The following CLIC5 variants were observed in gnomAD, a reference collection of about 807,000 sequenced individuals.
CLIC5 encodes the protein CLIC family member 5.
In CLIC5, 20 loss-of-function variants were observed where a neutral mutation model predicts 24.7. That is an observed-to-expected ratio of 0.81 (90% confidence interval 0.57 to 1.18). The LOEUF (loss-of-function observed/expected upper bound fraction) is 1.18, where lower values mean the gene tolerates loss of function less well. Among genes scored for constraint, CLIC5 ranks in the 50% most tolerant of loss-of-function variants. The pLI, the probability that CLIC5 is intolerant of heterozygous loss-of-function variation, is 0.00. For missense variants in CLIC5, 341 were observed against 326.1 expected, an observed-to-expected ratio of 1.05 and a Z score of -0.35; for synonymous variants, 159 against 135.6, an observed-to-expected ratio of 1.17 and a Z score of -1.20.
At chr6:46,051,147 G>C (rs945817567) in intron 1 of CLIC5, among the ~76,000 whole-genome samples, 1 of 152,128 alleles carries the variant, frequency 6.6e-6, no homozygotes, top group East Asian at 1.9e-4. Flanking sequence ...AGTGTTTACT[G>C]TCACTCTTTC....
chr6:45,939,652 T>A (rs12662995), intron 4 of CLIC5, among the ~76,000 whole-genome samples: 9,599 of 152,062 alleles, frequency 0.063, 671 homozygotes, highest in East Asian at 0.37. Flanking sequence ...TTAAAAAAAT[T>A]TTTTTAGAGA....
rs1484466212 is a variant in CLIC5, at chr6:46,079,990, C to T, written c.253G>A (p.Asp85Asn). The T allele has an allele frequency of 1.9e-6, 3 of 1,551,692 alleles. No individual in the cohort carries two copies. Among genetic ancestry groups the T allele is most frequent in the Admixed American group, 2.0e-5 (1 of 51,002 alleles). The change falls in exon 1 of 6, where the codon GAT becomes AAT. Residue 85 changes from aspartate to asparagine, a missense_variant. Asp to Asn is a conservative substitution (Grantham distance 23). Transcript: ENST00000185206. ...TCCTGGAGTTCAGAGTATATCTCAT[C>T]AGGCAGGAGGTAGCCTCTGTCTTCT... is the stretch of plus-strand genomic sequence containing the variant.
chr6:46,043,345 G>T (rs1468262332), intron 1 of CLIC5, among the ~76,000 whole-genome samples: 1 of 152,106 alleles, frequency 6.6e-6, no homozygotes, highest in African/African-American at 2.4e-5. Flanking sequence ...TTAAGAAGCT[G>T]GCCTATAATT....
intron 1 of CLIC5, among the ~76,000 whole-genome samples, chr6:45,974,905 C>T (rs1395375520): frequency 6.6e-6 from 1 of 152,134 alleles, no homozygotes. Flanking sequence ...TACAAATCAT[C>T]TCTAAAGTTC....
intron 2 of CLIC5, 138 bp downstream of exon 2, chr6:45,954,997 G>A: frequency 1.7e-6 from 1 of 583,322 alleles, no homozygotes. Flanking sequence ...AGCTAAGACT[G>A]GATCCTGAGA....
intron 1 of CLIC5, among the ~76,000 whole-genome samples, chr6:46,072,701 T>G (rs1762643105): frequency 6.6e-6 from 1 of 152,216 alleles, no homozygotes. Context: ...CATGAAGGTT[T>G]CTTCCCATGG....
chr6:46,082,480 C>G (rs374014438), upstream of CLIC5, among the ~76,000 whole-genome samples: 39 of 152,312 alleles, frequency 2.6e-4, no homozygotes, highest in South Asian at 7.9e-3. Context: ...TACAACGGCC[C>G]ACATGGCCCT....
At chr6:46,006,093 C>CATACATATATAT (rs1766559127) in intron 1 of CLIC5, among the ~76,000 whole-genome samples, 1 of 94,798 alleles carries the variant, frequency 1.1e-5, no homozygotes, top group African/African-American at 4.6e-5. Flanking sequence ...TGTATAAATA[C>CATACATATATAT]ATATATATAT....
At chr6:45,952,145 G>GT (rs1237711546) in intron 2 of CLIC5, among the ~76,000 whole-genome samples, 4 of 152,110 alleles carry the variant, frequency 2.6e-5, no homozygotes, top group African/African-American at 4.8e-5. Context: ...GTGGTGGTGG[G>GT]TTTTTTCCTG....
the CLIC5 span, among the ~76,000 whole-genome samples, chr6:46,094,890 C>T: frequency 1.3e-5 from 2 of 152,242 alleles, no homozygotes; most frequent in African/African-American, 2.4e-5. Flanking sequence ...GAGGTTCTCC[C>T]TGAGGGCTCC....
chr6:46,022,169 C>A (rs930030833), intron 1 of CLIC5, among the ~76,000 whole-genome samples: 5 of 152,054 alleles, frequency 3.3e-5, no homozygotes, highest in Non-Finnish European at 5.9e-5. Context: ...CATATTTAGA[C>A]AGTGTGTTTG....
rs557275985 is a variant in CLIC5, at chr6:45,889,506, G to A, written c.624-8318C>T. Reference sequence around the variant, plus strand: ...ATATAGAACAATGTATACACTATGTGCTTTCGGGTAAGAAGGTGGGGCAGT... The same window carrying A: ...ATATAGAACAATGTATACACTATGTACTTTCGGGTAAGAAGGTGGGGCAGT... On this transcript the variant is annotated intron_variant, in intron 6 of 6. Coordinates refer to the CLIC5 transcript ENST00000644324. Among the ~76,000 whole-genome samples the A allele has an allele frequency of 7.2e-5, 11 of 152,256 alleles. No individual in the cohort carries two copies. In the East Asian group the frequency reaches 1.7e-3, roughly 24 times the overall value.
intron 5 of CLIC5, among the ~76,000 whole-genome samples, chr6:45,906,735 T>C (rs1420905973): frequency 6.6e-6 from 1 of 152,080 alleles, no homozygotes; most frequent in African/African-American, 2.4e-5. Flanking sequence ...GCTAATTTTG[T>C]GTTTTTAGTA....
intron 6 of CLIC5, among the ~76,000 whole-genome samples, chr6:45,881,462 T>C (rs890862753): frequency 3.3e-5 from 5 of 152,082 alleles, no homozygotes; most frequent in Admixed American, 3.3e-4. Context: ...CGGCAGATTC[T>C]CCCCGTTAGG....
At chr6:46,121,396 C>G in the CLIC5 span, among the ~76,000 whole-genome samples, 3 of 152,102 alleles carry the variant, frequency 2.0e-5, no homozygotes, top group Non-Finnish European at 2.9e-5. Flanking sequence ...GATTTTGTCA[C>G]CACCAGGCCT....
chr6:45,973,981 G>T (rs1451146215), intron 1 of CLIC5, among the ~76,000 whole-genome samples: 2 of 151,658 alleles, frequency 1.3e-5, no homozygotes, highest in Non-Finnish European at 1.5e-5. Flanking sequence ...CCATATGATA[G>T]AATAGTATAC....
intron 4 of CLIC5, among the ~76,000 whole-genome samples, chr6:45,932,113 T>C (rs957957925): frequency 6.6e-6 from 1 of 152,190 alleles, no homozygotes; most frequent in African/African-American, 2.4e-5. Flanking sequence ...TTAAAGTTTC[T>C]TTTCTTTTTT....
chr6:45,935,921 A>T (rs1471011132), intron 4 of CLIC5, among the ~76,000 whole-genome samples: 1 of 151,958 alleles, frequency 6.6e-6, no homozygotes, highest in Non-Finnish European at 1.5e-5. Context: ...TATAACACAG[A>T]TCACTCTTTT....
the CLIC5 span, among the ~76,000 whole-genome samples, chr6:46,125,235 T>C: frequency 6.6e-6 from 1 of 152,160 alleles, no homozygotes; most frequent in South Asian, 2.1e-4. Context: ...CACCACAGAA[T>C]ACTATGCAGC....
Sources: gnomAD v4.1 joint callset for allele counts (sites outside exome capture counted in the v4.1 genomes callset) on GRCh38, gnomAD v4.1.1 for gene constraint, MANE v1.5 for transcripts, NCBI Gene and HGNC (gene_info 2026-07-23, HGNC 2026-07-21) for gene names.